The following ARHGAP25 variants were observed in gnomAD, a reference collection of about 807,000 sequenced individuals.
ARHGAP25 encodes the protein rho GTPase-activating protein 25.
ARHGAP25 carries 34 observed loss-of-function variants against 71.0 expected under a neutral mutation model. The ratio of observed to expected loss-of-function variants is 0.48; its 90% CI spans 0.36 to 0.64. ARHGAP25 has a LOEUF of 0.64. ARHGAP25 is among the 30% of genes least tolerant of loss of function. The pLI is 0.00. For missense variants in ARHGAP25, 706 were observed against 805.1 expected, an observed-to-expected ratio of 0.88 and a Z score of 1.49; for synonymous variants, 282 against 296.5, an observed-to-expected ratio of 0.95 and a Z score of 0.50.
At chr2:68,726,435 CCTGTTGGA>C (rs772426423) in intron 2 of ARHGAP25, among the ~76,000 whole-genome samples, 2 of 152,210 alleles carry the variant, frequency 1.3e-5, no homozygotes, top group Non-Finnish European at 2.9e-5. Flanking sequence ...TGTGCTCCTT[CCTGTTGGA>C]AAACATGAGA....
At chr2:68,786,688 T>C (rs952976796) in intron 3 of ARHGAP25, among the ~76,000 whole-genome samples, 18 of 152,008 alleles carry the variant, frequency 1.2e-4, no homozygotes, top group African/African-American at 4.3e-4. Flanking sequence ...TCACAAAGGG[T>C]GAAAGAAGGT....
intron 6 of ARHGAP25, 157 bp from the exon 7 acceptor site, chr2:68,816,132 C>A: frequency 1.5e-6 from 1 of 667,548 alleles, no homozygotes; most frequent in Non-Finnish European, 2.7e-6. Context: ...AGTTATTTCC[C>A]TTTTTTTTTT....
In ARHGAP25 at chr2:68,822,409, A is replaced by G. The variant is rs1681759090; in HGVS notation, c.1270A>G (p.Lys424Glu). 4 of 1,614,192 alleles carry G rather than the reference A, an allele frequency of 2.5e-6. No individual in the cohort carries two copies. Among genetic ancestry groups the G allele is most frequent in the Non-Finnish European group, 3.4e-6 (4 of 1,180,028 alleles). The change falls in exon 10 of 11, where the codon AAA (lysine) becomes GAA (glutamate). Residue 424 changes from lysine to glutamate, a missense_variant. Physicochemically the swap from Lys to Glu is moderately conservative, Grantham distance 56. Transcript: ENST00000409202. ...PSDAFPEDSSKVPREKPGDWK... is the reference protein window; with the variant it reads ...PSDAFPEDSSEVPREKPGDWK... ...CGATGCGTTTCCGGAGGACAGCAGC[A>G]AAGTACCCAGGGAAAAGCCAGGAGA...
At chr2:68,795,151 A>T in intron 4 of ARHGAP25, among the ~76,000 whole-genome samples, 2 of 149,482 alleles carry the variant, frequency 1.3e-5, no homozygotes, top group East Asian at 4.0e-4. Context: ...GTTTGTTTGG[A>T]TCTCTTTTTT....
chr2:68,719,381 T>C (rs1361883068), intron 2 of ARHGAP25, among the ~76,000 whole-genome samples: 7 of 149,022 alleles, frequency 4.7e-5, no homozygotes, highest in Non-Finnish European at 1.0e-4. Context: ...CAGAACCGAA[T>C]TGAATTGTAG....
intron 6 of ARHGAP25, 25 bp downstream of exon 6, chr2:68,813,444 C>G (rs1241839711): frequency 6.2e-7 from 1 of 1,607,208 alleles, no homozygotes; most frequent in East Asian, 2.2e-5. Flanking sequence ...GTTAGTTGTC[C>G]TGCCTTAGAA....
chr2:68,742,140 A>T (rs1385913744), intron 1 of ARHGAP25, among the ~76,000 whole-genome samples: 1 of 152,048 alleles, frequency 6.6e-6, no homozygotes, highest in African/African-American at 2.4e-5. Flanking sequence ...CCACCCCCAA[A>T]ATATGCACAC....
chr2:68,802,440 A>T (rs1388599837), intron 4 of ARHGAP25, among the ~76,000 whole-genome samples: 3 of 150,288 alleles, frequency 2.0e-5, no homozygotes, highest in Non-Finnish European at 4.4e-5. Flanking sequence ...GAATGTGCCA[A>T]CCTATTTGGG....
At chr2:68,780,053 T>G (rs1678210623) in intron 2 of ARHGAP25, among the ~76,000 whole-genome samples, 1 of 152,244 alleles carries the variant, frequency 6.6e-6, no homozygotes, top group Non-Finnish European at 1.5e-5. Context: ...TTTCTTATTA[T>G]CTAGCTTTTG....
chr2:68,774,766 C>T (rs1489792396), intron 1 of ARHGAP25: 2 of 1,022,330 alleles, frequency 2.0e-6, no homozygotes, highest in East Asian at 9.8e-5. Flanking sequence ...GCCCAGGCAG[C>T]TTCCGGCGGC....
intron 1 of ARHGAP25, among the ~76,000 whole-genome samples, chr2:68,766,365 A>G (rs142614024): frequency 6.6e-6 from 1 of 152,226 alleles, no homozygotes; most frequent in East Asian, 1.9e-4. Context: ...CCAAATCTCC[A>G]CTTTGCCTTG....
chr2:68,783,729 C>T (rs542391942), intron 3 of ARHGAP25, among the ~76,000 whole-genome samples: 1 of 152,266 alleles, frequency 6.6e-6, no homozygotes, highest in South Asian at 2.1e-4. Context: ...TCCTGAAGTG[C>T]TGGGATTACA....
At chr2:68,740,173 C>T (rs1675444994) in intron 1 of ARHGAP25, among the ~76,000 whole-genome samples, 1 of 152,128 alleles carries the variant, frequency 6.6e-6, no homozygotes, top group African/African-American at 2.4e-5. Flanking sequence ...ATGGGAGTCC[C>T]AGATGGTGCC....
At chr2:68,776,007 A>C (rs748485833) in intron 2 of ARHGAP25, among the ~76,000 whole-genome samples, 8 of 152,250 alleles carry the variant, frequency 5.3e-5, no homozygotes, top group Admixed American at 5.2e-4. Context: ...TGTAATTTTA[A>C]AAAGGATGGT....
chr2:68,742,224 C>T (rs1443598541), intron 1 of ARHGAP25, among the ~76,000 whole-genome samples: 1 of 152,208 alleles, frequency 6.6e-6, no homozygotes, highest in Non-Finnish European at 1.5e-5. Flanking sequence ...GAACCATTTG[C>T]TTCCTTGTTG....
chr2:68,788,039 G>T, intron 4 of ARHGAP25, 83 bp downstream of exon 4: 1 of 1,093,204 alleles, frequency 9.1e-7, no homozygotes, highest in South Asian at 1.3e-5. Flanking sequence ...ATAGCTCCTT[G>T]AGCAGTGCTC....
At position 68,778,500 on chromosome 2, in the gene ARHGAP25, G is replaced by A. The variant is rs145445294; in HGVS notation, c.261+3080G>A. On this transcript the variant is annotated intron_variant, in intron 2 of 10. Transcript: ENST00000409202. ...TTAAAAATATTTTTATAATTGAAGT[G>A]TAATCATTGTAAATTTAAAAAGAAT... Among the ~76,000 whole-genome samples, 13 of 152,274 alleles carry A rather than the reference G, an allele frequency of 8.5e-5. No homozygotes were observed. The East Asian group carries it at 2.5e-3, about 29-fold the overall frequency.
chr2:68,760,694 A>C (rs561261924), intron 1 of ARHGAP25, among the ~76,000 whole-genome samples: 1 of 152,150 alleles, frequency 6.6e-6, no homozygotes, highest in African/African-American at 2.4e-5. Flanking sequence ...AAATTAAAGA[A>C]GAACAGAATA....
In ARHGAP25 at chr2:68,787,968, T is replaced by G; in HGVS notation, c.466+12T>G. 6.2e-7 allele frequency: 1 copy of G among 1,606,678 alleles called. No homozygotes were observed. The highest frequency in any genetic ancestry group is 8.5e-7 in the Non-Finnish European group (1 of 1,173,248). ...CACACCCTGTGGAGGTAAGGACCCC[T>G]GCAGGCTTTCCTGGGCAGGTGCCTA... On this transcript the variant is annotated intron_variant, in intron 4 of 10. Coordinates refer to ENST00000409202, the MANE Select transcript of ARHGAP25 (RefSeq NM_001007231.3).
Sources: gnomAD v4.1 joint callset for allele counts (sites outside exome capture counted in the v4.1 genomes callset) on GRCh38, gnomAD v4.1.1 for gene constraint, MANE v1.5 for transcripts, NCBI Gene and HGNC (gene_info 2026-07-23, HGNC 2026-07-21) for gene names.